Variants in MMD2 observed in about 807,000 individuals in gnomAD.
MMD2 encodes the protein monocyte to macrophage differentiation associated 2, also known as monocyte to macrophage differentiation factor 2.
In MMD2, 30 loss-of-function variants were observed where a neutral mutation model predicts 33.5. The ratio of observed to expected loss-of-function variants is 0.90; its 90% confidence interval spans 0.67 to 1.22. MMD2 has a LOEUF of 1.22. MMD2 is among the 50% of genes most tolerant of loss of function. The pLI is 0.00. For missense variants in MMD2, 364 were observed against 325.4 expected (o/e 1.12, Z -0.91); for synonymous variants, 129 against 123.0 (o/e 1.05, Z -0.32).
chr7:4,920,449 C>G, intron 2 of MMD2, 118 bp from the exon 3 acceptor site: 1 of 942,104 alleles, frequency 1.1e-6, no homozygotes, highest in Non-Finnish European at 1.6e-6. Context: ...GAAATGTGGT[C>G]AGTGCCACTG....
At chr7:4,921,243 A>T (rs1449007605) in intron 2 of MMD2, among the ~76,000 whole-genome samples, 4 of 152,080 alleles carry the variant, frequency 2.6e-5, no homozygotes, top group African/African-American at 9.7e-5. Context: ...TCCTGACCTC[A>T]TCTGCTTGGA....
At chr7:4,928,571 C>T (rs1785492723) in intron 1 of MMD2, among the ~76,000 whole-genome samples, 1 of 151,710 alleles carries the variant, frequency 6.6e-6, no homozygotes, top group Non-Finnish European at 1.5e-5. Flanking sequence ...GTTCTGTGTG[C>T]TGACTCCATG....
chr7:4,920,977 A>G (rs529768837), intron 2 of MMD2, among the ~76,000 whole-genome samples: 2 of 152,212 alleles, frequency 1.3e-5, no homozygotes, highest in Admixed American at 1.3e-4. Context: ...CTTGGCCTCC[A>G]AAGGATTGGG....
chr7:4,938,284 C>T (rs1785805045), intron 1 of MMD2, among the ~76,000 whole-genome samples: 1 of 152,094 alleles, frequency 6.6e-6, no homozygotes, highest in Non-Finnish European at 1.5e-5. Flanking sequence ...GCTGGGATTA[C>T]AGGCATGAGC....
chr7:4,942,425 T>A (rs1161427362), intron 1 of MMD2, among the ~76,000 whole-genome samples: 1 of 126,112 alleles, frequency 7.9e-6, no homozygotes, highest in Non-Finnish European at 1.7e-5. Flanking sequence ...ATTTTTTTTT[T>A]AATTAAAAAA....
rs1554273365 is a variant in MMD2 at position 4,945,212 on chromosome 7, C to CTTCTTCTTCTTCTTCTTCTTCTTCTT, written c.47+13733_47+13758dup. Among the ~76,000 whole-genome samples, 42 of 142,386 alleles carry CTTCTTCTTCTTCTTCTTCTTCTTCTT rather than the reference C, an allele frequency of 2.9e-4. 1 individual carries two copies. Among genetic ancestry groups the CTTCTTCTTCTTCTTCTTCTTCTTCTT allele is most frequent in the African/African-American group, 9.7e-4 (37 of 38,074 alleles). 93.4% of individuals were successfully genotyped at this position (142,386 alleles called of 152,430 possible). On this transcript the variant is annotated intron_variant, in intron 1 of 6. Coordinates refer to ENST00000401401, the MANE Select transcript of MMD2 (RefSeq NM_198403.4). ...TCTTCTTCTTCTTCTTCTTCTTCTT[C>CTTCTTCTTCTTCTTCTTCTTCTTCTT]TTCTTCTTCTTCTTCTTCTTCTTCT...
In MMD2 at chr7:4,914,856, G is replaced by A. The variant is rs945251207; in HGVS notation, c.365+1149C>T. On this transcript the variant is annotated intron_variant, in intron 4 of 6. Coordinates refer to ENST00000401401, the MANE Select transcript of MMD2 (RefSeq NM_198403.4). ...TGAGGCAGGAGAATCATTCAAACCCGGGAGGTGGAGGTTGCAGTGAGCCGA... is the reference window on the plus strand; with the variant it reads ...TGAGGCAGGAGAATCATTCAAACCCAGGAGGTGGAGGTTGCAGTGAGCCGA... Among the ~76,000 whole-genome samples, 8 of 152,208 alleles carry A rather than the reference G, an allele frequency of 5.3e-5. No individual in the cohort carries two copies. The East Asian group carries it at 7.7e-4, about 15-fold the overall frequency.
chr7:4,918,907 G>T (rs1203128837), intron 3 of MMD2, among the ~76,000 whole-genome samples: 1 of 151,992 alleles, frequency 6.6e-6, no homozygotes. Flanking sequence ...AGGCCAGCCT[G>T]GGCAACATGA....
At chr7:4,916,531 T>C (rs906984403) in intron 3 of MMD2, among the ~76,000 whole-genome samples, 15 of 152,048 alleles carry the variant, frequency 9.9e-5, no homozygotes, top group African/African-American at 3.6e-4. Flanking sequence ...TACAGGCACC[T>C]GCCACCATGC....
intron 3 of MMD2, among the ~76,000 whole-genome samples, chr7:4,919,317 C>G (rs1785216339): frequency 6.6e-6 from 1 of 152,082 alleles, no homozygotes. Flanking sequence ...TTCCGAAACT[C>G]CAGCACTTTG....
chr7:4,938,741 G>A (rs1248863756), intron 1 of MMD2, among the ~76,000 whole-genome samples: 1 of 152,210 alleles, frequency 6.6e-6, no homozygotes. Context: ...GGGGGAGACA[G>A]GCATGAGAAA....
chr7:4,958,591 G>A (rs1256092252), intron 1 of MMD2, among the ~76,000 whole-genome samples: 4 of 152,186 alleles, frequency 2.6e-5, no homozygotes, highest in African/African-American at 9.7e-5. Flanking sequence ...GAGACCGAGC[G>A]TAACTGCCCG....
downstream of MMD2, among the ~76,000 whole-genome samples, chr7:4,901,893 T>A (rs755656712): frequency 1.3e-5 from 2 of 152,252 alleles, no homozygotes; most frequent in Non-Finnish European, 2.9e-5. Context: ...GGCCCTGGCA[T>A]GAGTATTTAC....
At chr7:4,919,093 C>CTT (rs1466963701) in intron 3 of MMD2, among the ~76,000 whole-genome samples, 8 of 147,930 alleles carry the variant, frequency 5.4e-5, no homozygotes, top group African/African-American at 2.0e-4. Context: ...AGTGAGACCC[C>CTT]ATCTCAAAAA....
At chr7:4,904,058 GAGT>G (rs1784828979), downstream of MMD2, among the ~76,000 whole-genome samples, 1 of 152,076 alleles carries the variant, frequency 6.6e-6, no homozygotes, top group African/African-American at 2.4e-5. Context: ...TCAGCCTCCC[GAGT>G]AGCTGAGATT....
chr7:4,914,147 T>A (rs965012546), intron 4 of MMD2, among the ~76,000 whole-genome samples: 4 of 152,182 alleles, frequency 2.6e-5, no homozygotes, highest in African/African-American at 9.7e-5. Flanking sequence ...CATCACAAAC[T>A]AGTTTCTTTC....
intron 1 of MMD2, among the ~76,000 whole-genome samples, chr7:4,958,389 A>G (rs1786446497): frequency 6.6e-6 from 1 of 152,174 alleles, no homozygotes; most frequent in Non-Finnish European, 1.5e-5. Context: ...ATTTTACAAA[A>G]GAGACGGAGG....
Position 4,946,178 on chromosome 7 carries a change from C to G in MMD2, c.47+12793G>C, listed in dbSNP as rs1486146028. Among the ~76,000 whole-genome samples, 1 of 151,142 alleles carries G rather than the reference C, an allele frequency of 6.6e-6. No individual in the cohort carries two copies. Among genetic ancestry groups the G allele is most frequent in the Non-Finnish European group, 1.5e-5 (1 of 67,814 alleles). On this transcript the variant is annotated intron_variant, in intron 1 of 6. Transcript: ENST00000401401. This position sits in a 1 kb window ranked among gnomAD's most constrained non-coding sequence, Gnocchi z 5.0. The stretch of plus-strand genomic sequence containing the variant: ...CCGCGCGCACACCTGCACACATGCA[C>G]ACACACGCGCGCACACCCACACACA...
downstream of MMD2, among the ~76,000 whole-genome samples, chr7:4,904,228 C>T (rs1196055774): frequency 1.3e-5 from 2 of 152,100 alleles, no homozygotes; most frequent in Non-Finnish European, 2.9e-5. Flanking sequence ...CCACTGTGCT[C>T]GGCGCCCCTC....
Sources: allele counts gnomAD v4.1 joint callset (sites outside exome capture counted in the v4.1 genomes callset), GRCh38; gene constraint gnomAD v4.1.1; non-coding constraint Gnocchi (gnomAD v3.1); transcripts MANE v1.5; gene names NCBI Gene and HGNC (gene_info 2026-07-23, HGNC 2026-07-21).